The following PREPL variants were observed in gnomAD, a reference collection of about 807,000 sequenced individuals.
PREPL encodes prolyl endopeptidase like.
In PREPL, 77 loss-of-function variants were observed where a neutral mutation model predicts 70.6. The observed-to-expected ratio is 1.09, with a 90% CI of 0.91 to 1.32. The LOEUF (loss-of-function observed/expected upper bound fraction) is 1.32, where lower values mean the gene tolerates loss of function less well. Among genes scored for constraint, PREPL ranks in the 40% most tolerant of loss-of-function variants. PREPL has a pLI of 0.00. For synonymous variants in PREPL, 315 were observed against 264.8 expected (o/e 1.19, Z -1.84); for missense variants, 1,002 against 778.2 (o/e 1.29, Z -3.42).
At chr2:44,333,626 TA>T (rs11404335) in intron 7 of PREPL, among the ~76,000 whole-genome samples, 43 of 148,848 alleles carry the variant, frequency 2.9e-4, no homozygotes, top group East Asian at 1.2e-3. Flanking sequence ...CTCTTATTAA[TA>T]AAAAAAAAAA....
intron 12 of PREPL, among the ~76,000 whole-genome samples, chr2:44,322,264 C>T (rs1180213627): frequency 6.6e-6 from 1 of 152,076 alleles, no homozygotes; most frequent in African/African-American, 2.4e-5. Flanking sequence ...ACTGATATGG[C>T]ATGTAGTTTC....
At position 44,321,655 on chromosome 2, in the gene PREPL, G is replaced by C. The variant is rs1672961631; in HGVS notation, c.1827+172C>G. 3.3e-6 allele frequency: 5 copies of C among 1,520,466 alleles called. No homozygotes were observed. In the East Asian group the frequency reaches 7.3e-5, roughly 22 times the overall value. The allele number at this position is 1,520,466 out of a possible 1,614,324, so 94.2% of individuals were successfully genotyped here. On this transcript the variant is annotated intron_variant, in intron 13 of 13. Transcript: ENST00000409411. ...GAGCTCACGTATCAAGTACAAGAGA[G>C]AGACATTTCTCTTGATTGACACAGT...
At chr2:44,345,045 C>T (rs1675641787) in intron 2 of PREPL, among the ~76,000 whole-genome samples, 1 of 152,220 alleles carries the variant, frequency 6.6e-6, no homozygotes, top group Non-Finnish European at 1.5e-5. Context: ...AATATGCTGT[C>T]ACCAACAACT....
At chr2:44,339,710 T>C (rs377393868) in intron 5 of PREPL, among the ~76,000 whole-genome samples, 17 of 152,328 alleles carry the variant, frequency 1.1e-4, no homozygotes, top group African/African-American at 4.1e-4. Context: ...TTTATTTGGA[T>C]GCATTTCAAG....
chr2:44,332,411 G>T, intron 8 of PREPL, 48 bp downstream of exon 8: 2 of 1,500,966 alleles, frequency 1.3e-6, no homozygotes, highest in South Asian at 2.3e-5. Context: ...CTGGCAAACG[G>T]TATGCTTTCA....
intron 6 of PREPL, 72 bp downstream of exon 6, chr2:44,339,075 C>A: frequency 6.3e-7 from 1 of 1,575,402 alleles, no homozygotes; most frequent in Non-Finnish European, 8.6e-7. Flanking sequence ...GCTCTTGGAG[C>A]AAGAAATGTT....
intron 1 of PREPL, among the ~76,000 whole-genome samples, chr2:44,352,760 CAA>C (rs1384209808): frequency 6.6e-6 from 1 of 151,344 alleles, no homozygotes; most frequent in African/African-American, 2.4e-5. Context: ...ACATATTTAA[CAA>C]AAGATATCAC....
Position 44,332,584 on chromosome 2 carries a change from A to G in PREPL, c.961T>C (p.Ser321Pro), listed in dbSNP as rs1367770744. 5 of 1,613,782 alleles carry G rather than the reference A, an allele frequency of 3.1e-6. No individual in the cohort carries two copies. Among genetic ancestry groups the G allele is most frequent in the Non-Finnish European group, 4.2e-6 (5 of 1,179,836 alleles). ...TAATATTTTGGGGGACGTATTGGAGAGCAAAGTTGAAAGGGGCAGTTCTTT... is the reference window on the plus strand; with the variant it reads ...TAATATTTTGGGGGACGTATTGGAGGGCAAAGTTGAAAGGGGCAGTTCTTT... ...DPKNCPFQLC[S>P]PIRPPKYYTY... is the part of the protein sequence containing the mutation. Residue 321 changes from serine to proline, a missense_variant, in exon 8 of 14, where the codon TCT (serine) becomes CCT (proline). Ser to Pro is a moderately conservative substitution (Grantham distance 74). Transcript: ENST00000409411.
rs542758042 is a variant in PREPL, at chr2:44,320,623, T to G, written c.*733A>C. 6 of 1,613,710 alleles carry G rather than the reference T, an allele frequency of 3.7e-6. No homozygotes were observed. The African/African-American group carries it at 8.0e-5, about 22-fold the overall frequency. ...TGCTATTCCAGTGTACTGAACATAC[T>G]GTATACCTCGTGTTAGGCACCTTTA... On this transcript the variant is annotated 3_prime_UTR_variant, in exon 14 of 14. Coordinates refer to ENST00000409411, the MANE Select transcript of PREPL (RefSeq NM_001171613.2).
Position 44,318,219 on chromosome 2 carries a change from T to C in PREPL, c.*3137A>G, listed in dbSNP as rs1317334359. On this transcript the variant is annotated 3_prime_UTR_variant, in exon 14 of 14. Coordinates refer to ENST00000409411, the MANE Select transcript of PREPL (RefSeq NM_001171613.2). ...GATTCTCCTGCTGCAGCCTCCCAAGTAGCTGGGATTACAGGTGCACGTCAT... is the reference window on the plus strand; with the variant it reads ...GATTCTCCTGCTGCAGCCTCCCAAGCAGCTGGGATTACAGGTGCACGTCAT... 5.3e-6 allele frequency: 2 copies of C among 379,680 alleles called. No homozygotes were observed. Among genetic ancestry groups the C allele is most frequent in the Admixed American group, 3.3e-5 (1 of 30,010 alleles). 23.5% of individuals were successfully genotyped at this position (379,680 alleles called of 1,614,324 possible). A position where few individuals can be genotyped will look rare whatever the true frequency, so the allele number is the denominator to read the frequency against.
chr2:44,351,615 T>A (rs181645358), intron 1 of PREPL, among the ~76,000 whole-genome samples: 234 of 152,276 alleles, frequency 1.5e-3, no homozygotes, highest in Non-Finnish European at 2.6e-3. Flanking sequence ...AACATTACAG[T>A]TGGATTTGTC....
chr2:44,338,173 C>T (rs1315150173), intron 7 of PREPL, among the ~76,000 whole-genome samples, 178 bp downstream of exon 7: 2 of 152,204 alleles, frequency 1.3e-5, no homozygotes, highest in African/African-American at 4.8e-5. Flanking sequence ...GCAAGATCCT[C>T]TAAGTAATTC....
chr2:44,327,915 T>C (rs1248727502), intron 9 of PREPL, among the ~76,000 whole-genome samples: 1 of 151,796 alleles, frequency 6.6e-6, no homozygotes, highest in African/African-American at 2.4e-5. Flanking sequence ...TTTGGAAGGC[T>C]GAGGCGGGCG....
intron 10 of PREPL, 150 bp from the exon 11 acceptor site, chr2:44,323,561 A>G: frequency 1.9e-6 from 1 of 519,638 alleles, no homozygotes; most frequent in Non-Finnish European, 3.1e-6. Flanking sequence ...CTCAGTCCTT[A>G]ACCAGGGCCT....
rs897858459 is a variant in PREPL at position 44,317,921 on chromosome 2, C to A, written c.*3435G>T. ...CAAAAACAGACATAAGAAACACTAA[C>A]ATAAAACACAAAGAATTAAAATGAA... On this transcript the variant is annotated 3_prime_UTR_variant, in exon 14 of 14. Transcript: ENST00000409411. 1.2e-5 allele frequency: 3 copies of A among 251,246 alleles called. No homozygotes were observed. The highest frequency in any genetic ancestry group is 2.4e-5 in the Non-Finnish European group (3 of 124,632). The allele number at this position is 251,246 out of a possible 1,614,324, so 15.6% of individuals were successfully genotyped here.
chr2:44,346,585 G>A (rs930214521), intron 1 of PREPL, among the ~76,000 whole-genome samples, 195 bp from the exon 2 acceptor site: 2 of 152,010 alleles, frequency 1.3e-5, no homozygotes, highest in African/African-American at 4.8e-5. Context: ...GTTAAAAAAA[G>A]TAAACAAAGT....
At position 44,320,782 on chromosome 2, in the gene PREPL, G is replaced by C; in HGVS notation, c.*574C>G. On this transcript the variant is annotated 3_prime_UTR_variant, in exon 14 of 14. Transcript: ENST00000409411. The stretch of plus-strand genomic sequence containing the variant: ...GCTTGAATGTAACTGCTTTAAGAAA[G>C]GTTCTCAAATGTTTTGAAAAAAATA... 1.4e-6 allele frequency: 1 copy of C among 722,238 alleles called. No individual in the cohort carries two copies. The highest frequency in any genetic ancestry group is 1.6e-5 in the South Asian group (1 of 61,776). 44.7% of individuals were successfully genotyped at this position (722,238 alleles called of 1,614,324 possible). A position where few individuals can be genotyped will look rare whatever the true frequency, so the allele number is the denominator to read the frequency against.
chr2:44,336,450 C>T (rs1379722945), intron 7 of PREPL, among the ~76,000 whole-genome samples: 1 of 152,096 alleles, frequency 6.6e-6, no homozygotes, highest in Non-Finnish European at 1.5e-5. Flanking sequence ...AAATCAAACA[C>T]CCCATGTTCT....
intron 4 of PREPL, among the ~76,000 whole-genome samples, chr2:44,342,877 A>C (rs1402248020): frequency 6.6e-6 from 1 of 152,222 alleles, no homozygotes; most frequent in Non-Finnish European, 1.5e-5. Flanking sequence ...ATTCCGTCTC[A>C]ATCTACAACT....
Sources: allele counts gnomAD v4.1 joint callset (sites outside exome capture counted in the v4.1 genomes callset), GRCh38; gene constraint gnomAD v4.1.1; transcripts MANE v1.5; gene names NCBI Gene and HGNC (gene_info 2026-07-23, HGNC 2026-07-21).